LRRK2: variants seen among roughly 807,000 people sequenced by gnomAD.
LRRK2 encodes leucine rich repeat kinase 2, also known as leucine-rich repeat serine/threonine-protein kinase 2.
In LRRK2, 203 loss-of-function variants were observed where a neutral mutation model predicts 302.6. The observed-to-expected ratio is 0.67, with a 90% CI of 0.60 to 0.75. LRRK2 has a LOEUF of 0.75. LRRK2 is among the 30% of genes least tolerant of loss of function. The pLI, the probability that LRRK2 is intolerant of heterozygous loss-of-function variation, is 0.00. For missense variants in LRRK2, 2,830 were observed against 2,951.0 expected, an observed-to-expected ratio of 0.96 and a Z score of 0.95; for synonymous variants, 1,066 against 1,031.9, an observed-to-expected ratio of 1.03 and a Z score of -0.63.
At chr12:40,264,512 A>T (rs1008842457) in intron 14 of LRRK2, among the ~76,000 whole-genome samples, 1 of 152,094 alleles carries the variant, frequency 6.6e-6, no homozygotes, top group Non-Finnish European at 1.5e-5. Flanking sequence ...CCAGCTACTC[A>T]GGAGGCTGAG....
chr12:40,299,373 C>A, intron 25 of LRRK2, 116 bp downstream of exon 25: 1 of 1,142,904 alleles, frequency 8.7e-7, no homozygotes, highest in Non-Finnish European at 1.3e-6. Flanking sequence ...AAATATTATG[C>A]TGGATTTAAA....
At chr12:40,281,176 G>A (rs188543319) in intron 18 of LRRK2, among the ~76,000 whole-genome samples, 2 of 152,100 alleles carry the variant, frequency 1.3e-5, no homozygotes, top group Non-Finnish European at 2.9e-5. Flanking sequence ...CCTGGGCACT[G>A]CTCCAAATAC....
At chr12:40,340,037 G>T (rs1435990611) in intron 40 of LRRK2, among the ~76,000 whole-genome samples, 3 of 152,132 alleles carry the variant, frequency 2.0e-5, no homozygotes, top group Non-Finnish European at 4.4e-5. Flanking sequence ...TTGGGTCTTT[G>T]CCTGAGATAG....
intron 2 of LRRK2, among the ~76,000 whole-genome samples, chr12:40,231,222 A>G (rs945852433): frequency 3.3e-5 from 5 of 151,980 alleles, no homozygotes; most frequent in Admixed American, 3.3e-4. Flanking sequence ...AAAATTTTAA[A>G]TATGTGGAGG....
intron 39 of LRRK2, among the ~76,000 whole-genome samples, chr12:40,330,759 G>T (rs1945690347): frequency 6.6e-6 from 1 of 152,100 alleles, no homozygotes; most frequent in South Asian, 2.1e-4. Flanking sequence ...ATTGCTCCAA[G>T]AGTATATGTT....
At chr12:40,346,124 CT>C (rs1258450515) in intron 41 of LRRK2, among the ~76,000 whole-genome samples, 2 of 151,828 alleles carry the variant, frequency 1.3e-5, no homozygotes, top group Non-Finnish European at 2.9e-5. Context: ...ATTTATCTGT[CT>C]TATGGAATAA....
chr12:40,314,869 G>A (rs540418638), intron 32 of LRRK2, among the ~76,000 whole-genome samples: 16 of 152,064 alleles, frequency 1.1e-4, no homozygotes, highest in African/African-American at 3.9e-4. Context: ...GATATGCTGT[G>A]TTTCTTATCT....
At chr12:40,250,083 G>T (rs1448343603) in intron 8 of LRRK2, 138 bp downstream of exon 8, 12 of 1,075,266 alleles carry the variant, frequency 1.1e-5, no homozygotes, top group Non-Finnish European at 1.6e-5. Flanking sequence ...TCCAGTAGAG[G>T]ATACTTTCAA....
chr12:40,229,077 C>T (rs1284206675), intron 2 of LRRK2, among the ~76,000 whole-genome samples: 1 of 152,156 alleles, frequency 6.6e-6, no homozygotes, highest in Non-Finnish European at 1.5e-5. Context: ...GGTACAATGA[C>T]ATCAATTTAA....
chr12:40,302,374 G>T (rs1040766444), intron 25 of LRRK2, among the ~76,000 whole-genome samples: 1 of 151,880 alleles, frequency 6.6e-6, no homozygotes, highest in African/African-American at 2.4e-5. Flanking sequence ...GTACCATAAA[G>T]AATTTTTGTC....
chr12:40,311,667 G>A (rs867185747), intron 31 of LRRK2, among the ~76,000 whole-genome samples: 1 of 152,092 alleles, frequency 6.6e-6, no homozygotes, highest in African/African-American at 2.4e-5. Flanking sequence ...GCTTAGTTCT[G>A]TTCCATTTAT....
intron 7 of LRRK2, among the ~76,000 whole-genome samples, chr12:40,247,400 T>G (rs1307180721): frequency 2.1e-5 from 3 of 146,142 alleles, no homozygotes; most frequent in Non-Finnish European, 4.5e-5. Flanking sequence ...AAAGTGTATA[T>G]ATATACTCAC....
chr12:40,314,295 C>A, intron 32 of LRRK2, 122 bp downstream of exon 32: 1 of 987,534 alleles, frequency 1.0e-6, no homozygotes, highest in Non-Finnish European at 1.5e-6. Context: ...CTTTAATAGG[C>A]CACTGATTTT....
At chr12:40,258,656 T>C (rs1275454720) in intron 12 of LRRK2, among the ~76,000 whole-genome samples, 1 of 152,148 alleles carries the variant, frequency 6.6e-6, no homozygotes, top group African/African-American at 2.4e-5. Context: ...ATTATTATAA[T>C]ACAGTCTCAG....
intron 24 of LRRK2, among the ~76,000 whole-genome samples, 183 bp from the exon 25 acceptor site, chr12:40,298,903 ATATATAATACTTATTATATATAT>A (rs1944511550): frequency 7.7e-6 from 1 of 129,148 alleles, no homozygotes; most frequent in Non-Finnish European, 1.6e-5. Flanking sequence ...TATATATACT[ATATATAATACTTATTATATATAT>A]AATAAAAGAC....
intron 38 of LRRK2, among the ~76,000 whole-genome samples, chr12:40,327,905 T>A (rs777157788): frequency 1.3e-5 from 2 of 152,218 alleles, no homozygotes; most frequent in Admixed American, 6.5e-5. Context: ...ACTTTTTGTC[T>A]TGTTATCATC....
Position 40,352,469 on chromosome 12 carries a change from C to CTTTTTTTTTTTTTTTTTTTTTTT in LRRK2, c.6576+746_6576+747insTTTTTTTTTTTTTTTTTTTTTTT, listed in dbSNP as rs1307806388. The stretch of plus-strand genomic sequence containing the variant: ...AACATTAGTTCTGAGGTTAAACAAT[C>CTTTTTTTTTTTTTTTTTTTTTTT]TTTTTTTTTTAATTGATCATTCTTG... On this transcript the variant is annotated intron_variant, in intron 44 of 50. Coordinates refer to ENST00000298910, the MANE Select transcript of LRRK2 (RefSeq NM_198578.4). Among the ~76,000 whole-genome samples, 4 of 104,566 alleles carry CTTTTTTTTTTTTTTTTTTTTTTT rather than the reference C, an allele frequency of 3.8e-5. 1 individual carries two copies. Among genetic ancestry groups the CTTTTTTTTTTTTTTTTTTTTTTT allele is most frequent in the Admixed American group, 1.0e-4 (1 of 9,598 alleles). The allele number at this position is 104,566 out of a possible 152,430, so 68.6% of individuals were successfully genotyped here.
At chr12:40,333,338 G>C (rs1003816914) in intron 39 of LRRK2, among the ~76,000 whole-genome samples, 10 of 152,130 alleles carry the variant, frequency 6.6e-5, no homozygotes, top group Non-Finnish European at 1.3e-4. Context: ...TGATAAATCA[G>C]TGGGCGCCGC....
At chr12:40,288,493 C>A (rs1372862405) in intron 20 of LRRK2, among the ~76,000 whole-genome samples, 1 of 151,796 alleles carries the variant, frequency 6.6e-6, no homozygotes, top group Non-Finnish European at 1.5e-5. Flanking sequence ...GTTTTATATA[C>A]ATAGGATCAT....
Sources: allele counts gnomAD v4.1 joint callset (sites outside exome capture counted in the v4.1 genomes callset), GRCh38; gene constraint gnomAD v4.1.1; transcripts MANE v1.5; gene names NCBI Gene and HGNC (gene_info 2026-07-23, HGNC 2026-07-21).